Variants in ZNF43 observed in about 807,000 individuals in gnomAD.
ZNF43 encodes the protein zinc finger protein 39-like 1 (KOX 27).
In ZNF43, 44 loss-of-function variants were observed where a neutral mutation model predicts 68.4. The ratio of observed to expected loss-of-function variants is 0.64; its 90% CI spans 0.51 to 0.83. The LOEUF is 0.83. ZNF43 is among the 40% of genes least tolerant of loss of function. ZNF43 has a pLI of 0.00. For synonymous variants in ZNF43, 308 were observed against 307.8 expected, an observed-to-expected ratio of 1.00 and a Z score of -0.01; for missense variants, 896 against 933.2, an observed-to-expected ratio of 0.96 and a Z score of 0.52.
At chr19:21,841,384 A>C (rs1425813258) in intron 1 of ZNF43, 1 of 152,216 alleles carries the variant, frequency 6.6e-6, no homozygotes, top group Non-Finnish European at 1.5e-5. Flanking sequence ...TTGCCTGTCC[A>C]GGGTTATGTT....
intron 1 of ZNF43, among the ~76,000 whole-genome samples, chr19:21,829,404 C>T (rs2038316078): frequency 6.6e-6 from 1 of 151,990 alleles, no homozygotes; most frequent in African/African-American, 2.4e-5. Flanking sequence ...TAGTTTTTAC[C>T]ATTCTGTATT....
At position 21,808,680 on chromosome 19, in the gene ZNF43, G is replaced by T. The variant is rs544627657; in HGVS notation, c.1357C>A (p.Pro453Thr). 3.1e-6 allele frequency: 5 copies of T among 1,613,272 alleles called. No individual in the cohort carries two copies. The highest frequency in any genetic ancestry group is 2.2e-5 in the East Asian group (1 of 44,794). Residue 453 changes from proline (P) to threonine (T), a missense_variant, in exon 4 of 4, where the codon CCC (proline) becomes ACC (threonine). Transcript: ENST00000354959. Reference protein sequence around the residue: ...KHNRIHTGEKPYKCEVCGKAF... With the variant: ...KHNRIHTGEKTYKCEVCGKAF... Reference sequence around the variant, plus strand: ...TTGCCACATACTTCACATTTGTAGGGTTTCTCTCCAGTATGAATTCTGTTA... The same window carrying T: ...TTGCCACATACTTCACATTTGTAGGTTTTCTCTCCAGTATGAATTCTGTTA...
At chr19:21,824,151 G>A (rs60272092) in intron 1 of ZNF43, among the ~76,000 whole-genome samples, 5,221 of 152,184 alleles carry the variant, frequency 0.034, 176 homozygotes, top group South Asian at 0.15. Context: ...GTGCCACTGC[G>A]CTCCAGCCCA....
At chr19:21,835,899 C>A in intron 1 of ZNF43, 137 bp downstream of exon 1, 1 of 1,457,870 alleles carries the variant, frequency 6.9e-7, no homozygotes, top group South Asian at 1.2e-5. Context: ...GAGCAGCCGC[C>A]ATCTTATGGC....
At chr19:21,815,506 TA>T (rs1339514100) in intron 3 of ZNF43, among the ~76,000 whole-genome samples, 4 of 149,910 alleles carry the variant, frequency 2.7e-5, no homozygotes, top group East Asian at 1.9e-4. Context: ...TATATATATA[TA>T]TTTTGCAGAA....
chr19:21,828,010 T>G (rs2038220433), intron 1 of ZNF43, among the ~76,000 whole-genome samples: 1 of 152,266 alleles, frequency 6.6e-6, no homozygotes, highest in East Asian at 1.9e-4. Context: ...TGTTTTTATC[T>G]GTCCTGTAAT....
In ZNF43 at chr19:21,817,781, T is replaced by C. The variant is rs1306283090; in HGVS notation, c.229+107A>G. ...AAAAACTCAGGCTTTCCAGAAACTC[T>C]TTCCTTTGGAACACAGCTTCCCAAG... On this transcript the variant is annotated intron_variant, in intron 3 of 3. Transcript: ENST00000354959. 1.7e-5 allele frequency: 21 copies of C among 1,206,990 alleles called. No individual in the cohort carries two copies. In the Middle Eastern group the frequency reaches 7.9e-4, roughly 46 times the overall value. The allele number at this position is 1,206,990 out of a possible 1,614,324, so 74.8% of individuals were successfully genotyped here.
intron 1 of ZNF43, among the ~76,000 whole-genome samples, chr19:21,841,945 T>C (rs1235085912): frequency 1.3e-5 from 2 of 152,200 alleles, no homozygotes; most frequent in African/African-American, 4.8e-5. Flanking sequence ...TATTGAAATA[T>C]GGCAGGGTCC....
intron 3 of ZNF43, among the ~76,000 whole-genome samples, chr19:21,814,299 A>G (rs1247516557): frequency 6.6e-6 from 1 of 152,188 alleles, no homozygotes; most frequent in Non-Finnish European, 1.5e-5. Flanking sequence ...ATTAAAAATT[A>G]GCTAAAAAAT....
chr19:21,821,975 A>G (rs1425766433), intron 1 of ZNF43, among the ~76,000 whole-genome samples: 1 of 151,224 alleles, frequency 6.6e-6, no homozygotes, highest in African/African-American at 2.4e-5. Flanking sequence ...CTCTGGACAA[A>G]TTACACCTGC....
chr19:21,808,839 A>G lies in ZNF43; in HGVS notation c.1198T>C (p.Cys400Arg), dbSNP rs746550129. 3.7e-6 allele frequency: 6 copies of G among 1,613,216 alleles called. No homozygotes were observed. The highest frequency in any genetic ancestry group is 5.1e-6 in the Non-Finnish European group (6 of 1,179,854). The change falls in exon 4 of 4, where the codon TGT (cysteine) becomes CGT (arginine). Residue 400 changes from cysteine (C) to arginine (R), a missense_variant. By Grantham distance (180) the Cys-to-Arg change is radical (BLOSUM62 -3). Coordinates refer to ENST00000354959, the MANE Select transcript of ZNF43 (RefSeq NM_003423.4). ...TTAAAAGCTTTGCCACATTCTTCAC[A>G]TTTGTAGGGTTTCTTTTCAGTATGA... ...KIHTEKKPYK[C>R]EECGKAFKWS...
At position 21,806,718 on chromosome 19, in the gene ZNF43, ACTT is replaced by A. The variant is rs2036960244; in HGVS notation, c.*886_*888del. The A allele has an allele frequency of 6.6e-6, 1 of 152,194 alleles. No individual in the cohort carries two copies. The highest frequency in any genetic ancestry group is 2.4e-5 in the African/African-American group (1 of 41,466). The allele number at this position is 152,194 out of a possible 1,614,324, so 9.4% of individuals were successfully genotyped here. On this transcript the variant is annotated 3_prime_UTR_variant, in exon 4 of 4. Coordinates refer to ENST00000354959, the MANE Select transcript of ZNF43 (RefSeq NM_003423.4). ...TTGTAATTATAACTGAAAATCTTCT[ACTT>A]CTTTTAATGTTATATACAAATAATT...
At chr19:21,811,547 CA>C (rs988161266) in intron 3 of ZNF43, among the ~76,000 whole-genome samples, 27 of 127,312 alleles carry the variant, frequency 2.1e-4, no homozygotes, top group South Asian at 8.0e-4. Flanking sequence ...AAAAAAAAAA[CA>C]AAAAAAAAAA....
At chr19:21,812,339 C>T (rs1484016655) in intron 3 of ZNF43, among the ~76,000 whole-genome samples, 1 of 152,076 alleles carries the variant, frequency 6.6e-6, no homozygotes, top group African/African-American at 2.4e-5. Flanking sequence ...TGGTCTCGAT[C>T]TCCTGACCTC....
In ZNF43 at chr19:21,809,011, G is replaced by A. The variant is rs750001022; in HGVS notation, c.1026C>T (p.Tyr342=). The A allele has an allele frequency of 2.5e-6, 4 of 1,613,372 alleles. No homozygotes were observed. The East Asian group carries it at 6.7e-5, about 27-fold the overall frequency. The part of the protein sequence containing the change: ...HKRIHTGEKP[Y]TCEECGKAFN... ...AGGCTTTGCCACATTCTTCACATGT[G>A]TAGGGTTTCTCTCCAGTATGAATTC... is the stretch of plus-strand genomic sequence containing the variant. Residue 342 remains tyrosine (Y), a synonymous_variant, in exon 4 of 4, where the codon TAC becomes TAT. Coordinates refer to ENST00000354959, the MANE Select transcript of ZNF43 (RefSeq NM_003423.4).
intron 1 of ZNF43, chr19:21,827,400 T>C (rs184260240): frequency 4.1e-4 from 63 of 152,302 alleles, no homozygotes; most frequent in African/African-American, 1.5e-3. Context: ...TCCCTCTTGT[T>C]GCCCAGGCTG....
chr19:21,813,537 T>G (rs1165730543), intron 3 of ZNF43, among the ~76,000 whole-genome samples: 1 of 152,170 alleles, frequency 6.6e-6, no homozygotes, highest in Admixed American at 6.6e-5. Flanking sequence ...GAATATTATG[T>G]CACCTGAAAT....
intron 1 of ZNF43, among the ~76,000 whole-genome samples, chr19:21,835,566 A>T (rs1354369257): frequency 6.6e-6 from 1 of 151,922 alleles, no homozygotes; most frequent in Non-Finnish European, 1.5e-5. Context: ...CATATTAGCC[A>T]GGCTGCTCTC....
Position 21,833,416 on chromosome 19 carries a change from T to C in ZNF43, c.3+2620A>G, listed in dbSNP as rs928228157. On this transcript the variant is annotated intron_variant, in intron 1 of 3. Transcript: ENST00000354959. ...CGAAGTAGCTGGGATTACAGGCGCCTGCCCCTGCACCCAGCTAATTTTTTT... is the reference window on the plus strand; with the variant it reads ...CGAAGTAGCTGGGATTACAGGCGCCCGCCCCTGCACCCAGCTAATTTTTTT... 1.4e-4 allele frequency among the ~76,000 whole-genome samples: 21 copies of C among 152,074 alleles called. 1 individual carries two copies. The South Asian group carries it at 1.7e-3, about 12-fold the overall frequency.
Sources: allele counts gnomAD v4.1 joint callset (sites outside exome capture counted in the v4.1 genomes callset), GRCh38; gene constraint gnomAD v4.1.1; transcripts MANE v1.5; gene names NCBI Gene and HGNC (gene_info 2026-07-23, HGNC 2026-07-21).